The following MACROD2 variants were observed in gnomAD, a reference collection of about 807,000 sequenced individuals.
MACROD2 encodes mono-ADP ribosylhydrolase 2, also known as ADP-ribose glycohydrolase MACROD2.
MACROD2 carries 36 observed loss-of-function variants against 70.4 expected under a neutral mutation model. The ratio of observed to expected loss-of-function variants is 0.51; its 90% CI spans 0.39 to 0.68. The LOEUF (loss-of-function observed/expected upper bound fraction) is 0.68, where lower values mean the gene tolerates loss of function less well. MACROD2 is among the 30% of genes least tolerant of loss of function. The pLI is 0.00. For synonymous variants in MACROD2, 172 were observed against 178.8 expected (o/e 0.96, Z 0.30); for missense variants, 496 against 538.4 (o/e 0.92, Z 0.78).
intron 6 of MACROD2, among the ~76,000 whole-genome samples, chr20:15,341,352 T>G (rs1192420612): frequency 6.6e-6 from 1 of 152,138 alleles, no homozygotes; most frequent in Non-Finnish European, 1.5e-5. Context: ...AATTAACTTA[T>G]TAACAAAATA....
At chr20:14,499,572 C>G (rs547333706) in intron 4 of MACROD2, among the ~76,000 whole-genome samples, 1 of 152,170 alleles carries the variant, frequency 6.6e-6, no homozygotes, top group African/African-American at 2.4e-5. Flanking sequence ...GGGATTGATC[C>G]TGGGCACTGT....
At chr20:14,088,327 TA>T (rs11372104) in intron 3 of MACROD2, among the ~76,000 whole-genome samples, 17 of 117,906 alleles carry the variant, frequency 1.4e-4, no homozygotes, top group East Asian at 2.4e-4. Flanking sequence ...AGACTCCATC[TA>T]AAAAAAAAAA....
intron 6 of MACROD2, among the ~76,000 whole-genome samples, chr20:15,427,925 A>T (rs938962062): frequency 8.5e-5 from 13 of 152,162 alleles, no homozygotes; most frequent in African/African-American, 3.1e-4. Flanking sequence ...AACTGGAGAG[A>T]TGCTACTGAT....
chr20:14,822,688 A>C (rs1010647288), intron 5 of MACROD2, among the ~76,000 whole-genome samples: 6 of 152,096 alleles, frequency 3.9e-5, no homozygotes, highest in Non-Finnish European at 5.9e-5. Context: ...CAGTTATAAA[A>C]CACGCTCTTT....
At chr20:14,291,977 A>G (rs1225352041) in intron 3 of MACROD2, among the ~76,000 whole-genome samples, 1 of 151,884 alleles carries the variant, frequency 6.6e-6, no homozygotes, top group Non-Finnish European at 1.5e-5. Flanking sequence ...ACAGGGAGGA[A>G]AGCTAAGCAA....
intron 4 of MACROD2, among the ~76,000 whole-genome samples, chr20:14,610,901 T>G (rs924789773): frequency 4.6e-5 from 7 of 152,136 alleles, no homozygotes; most frequent in Non-Finnish European, 8.8e-5. Flanking sequence ...TGGTTTATAA[T>G]TCAAGCATTA....
intron 3 of MACROD2, among the ~76,000 whole-genome samples, chr20:14,176,873 A>G (rs760179507): frequency 6.6e-6 from 1 of 152,210 alleles, no homozygotes; most frequent in African/African-American, 2.4e-5. Context: ...TTTCGATTAT[A>G]TATTGCTGTG....
At chr20:14,418,501 T>C (rs541901432) in intron 3 of MACROD2, among the ~76,000 whole-genome samples, 10 of 152,302 alleles carry the variant, frequency 6.6e-5, no homozygotes, top group Non-Finnish European at 1.3e-4. Flanking sequence ...TCCCTTAATT[T>C]ACAGTTGAAG....
intron 4 of MACROD2, among the ~76,000 whole-genome samples, chr20:14,612,861 A>G (rs897205572): frequency 6.6e-6 from 1 of 152,114 alleles, no homozygotes; most frequent in Non-Finnish European, 1.5e-5. Flanking sequence ...ATCAGCTACT[A>G]CTTAACAAAA....
chr20:15,434,285 A>G (rs1353864224), intron 7 of MACROD2, among the ~76,000 whole-genome samples: 3 of 152,080 alleles, frequency 2.0e-5, no homozygotes, highest in Admixed American at 6.6e-5. Context: ...GCATCTGACC[A>G]AGAACTAATA....
intron 3 of MACROD2, among the ~76,000 whole-genome samples, chr20:14,276,069 C>T (rs1253302508): frequency 7.9e-5 from 12 of 151,816 alleles, no homozygotes; most frequent in Admixed American, 5.2e-4. Context: ...GTCAGTGTGG[C>T]GATTCCTCAG....
chr20:15,286,626 G>C (rs1017235104), intron 6 of MACROD2, among the ~76,000 whole-genome samples: 6 of 152,172 alleles, frequency 3.9e-5, no homozygotes, highest in Non-Finnish European at 8.8e-5. Flanking sequence ...GCAGGCTGGA[G>C]AGAGAGAAGT....
chr20:14,763,732 G>C (rs186841213), intron 5 of MACROD2, among the ~76,000 whole-genome samples: 46 of 152,220 alleles, frequency 3.0e-4, no homozygotes, highest in African/African-American at 1.1e-3. Context: ...AAAGGAAGAG[G>C]AAGGGAACCA....
intron 7 of MACROD2, among the ~76,000 whole-genome samples, chr20:15,461,004 A>ATTTTTTTTT (rs1441910465): frequency 4.2e-5 from 2 of 47,752 alleles, no homozygotes; most frequent in African/African-American, 5.7e-5. Context: ...ATATATATAT[A>ATTTTTTTTT]TATTTTTTTT....
chr20:14,698,776 AATTAAATAATTACATTTAATTATTTT>A (rs1431913836), intron 5 of MACROD2, among the ~76,000 whole-genome samples: 3 of 149,186 alleles, frequency 2.0e-5, no homozygotes, highest in Non-Finnish European at 4.5e-5. Context: ...GTAATTATTT[AATTAAATAATTACATTTAATTATTTT>A]AATAAATTTA....
At chr20:15,672,974 C>G (rs1007105471) in intron 8 of MACROD2, among the ~76,000 whole-genome samples, 2 of 152,100 alleles carry the variant, frequency 1.3e-5, no homozygotes, top group African/African-American at 4.8e-5. Flanking sequence ...CTCTTTTTGC[C>G]TGTCACCATG....
intron 4 of MACROD2, among the ~76,000 whole-genome samples, chr20:14,599,928 A>G (rs1982377989): frequency 6.6e-6 from 1 of 152,124 alleles, no homozygotes; most frequent in Non-Finnish European, 1.5e-5. Flanking sequence ...GATAGCTATC[A>G]CTGAGTAGGA....
chr20:15,832,063 G>T (rs746058996), intron 8 of MACROD2, among the ~76,000 whole-genome samples: 9 of 152,126 alleles, frequency 5.9e-5, no homozygotes, highest in Non-Finnish European at 1.0e-4. Flanking sequence ...TTCTTTGTCG[G>T]ACCTGCATGA....
intron 7 of MACROD2, among the ~76,000 whole-genome samples, chr20:15,476,570 G>GCACC (rs1483579570): frequency 1.3e-5 from 2 of 150,036 alleles, no homozygotes; most frequent in African/African-American, 4.9e-5. Context: ...TTGTTGTTTT[G>GCACC]CCCCCCCCCG....
Sources: allele counts gnomAD v4.1 joint callset (sites outside exome capture counted in the v4.1 genomes callset), GRCh38; gene constraint gnomAD v4.1.1; transcripts MANE v1.5; gene names NCBI Gene and HGNC (gene_info 2026-07-23, HGNC 2026-07-21).